PHEX: variants seen among roughly 807,000 people sequenced by gnomAD.
PHEX encodes the protein phosphate-regulating neutral endopeptidase PHEX.
Under a neutral mutation model 68.0 loss-of-function variants are expected in PHEX, and 16 were observed. The observed-to-expected ratio is 0.24, with a 90% CI of 0.16 to 0.36. The LOEUF (loss-of-function observed/expected upper bound fraction) is 0.36. PHEX is among the 10% of genes least tolerant of loss of function. The probability of loss-of-function intolerance (pLI) is 1.00; values close to 1 mark genes in which losing one functional copy is unlikely to be tolerated. For missense variants in PHEX, 480 were observed against 575.5 expected, an observed-to-expected ratio of 0.83 and a Z score of 1.70; for synonymous variants, 208 against 205.1, an observed-to-expected ratio of 1.01 and a Z score of -0.12.
intron 3 of PHEX, among the ~76,000 whole-genome samples, chrX:22,056,864 T>C (rs954973564): frequency 3.7e-5 from 4 of 109,568 alleles, no homozygotes; most frequent in African/African-American, 1.3e-4. Flanking sequence ...TTCCCATAGG[T>C]ATTGTAATCA....
At chrX:22,055,765 TG>T (rs893038433) in intron 3 of PHEX, among the ~76,000 whole-genome samples, 1 of 111,915 alleles carries the variant, frequency 8.9e-6, no homozygotes, top group African/African-American at 3.3e-5. Flanking sequence ...TTTGCCGTGT[TG>T]GCCAGGCTGG....
intron 3 of PHEX, among the ~76,000 whole-genome samples, chrX:22,074,455 C>G (rs957951940): frequency 2.7e-5 from 3 of 110,469 alleles, no homozygotes; most frequent in Non-Finnish European, 5.7e-5. Context: ...ATCTGCTGAT[C>G]CTCTTTTTCC....
intron 19 of PHEX, among the ~76,000 whole-genome samples, 173 bp downstream of exon 19, chrX:22,226,681 A>T (rs905268350): frequency 8.9e-6 from 1 of 111,876 alleles, no homozygotes; most frequent in African/African-American, 3.2e-5. Flanking sequence ...AAAGAGAACT[A>T]TATTTCTTTT....
At chrX:22,137,801 C>T (rs1316772352) in intron 12 of PHEX, among the ~76,000 whole-genome samples, 2 of 111,899 alleles carry the variant, frequency 1.8e-5, no homozygotes, top group Non-Finnish European at 1.9e-5. Context: ...CTTCACAGCA[C>T]ACCTGCCTGA....
At chrX:22,157,288 T>C (rs1343038105) in intron 12 of PHEX, among the ~76,000 whole-genome samples, 3 of 112,099 alleles carry the variant, frequency 2.7e-5, no homozygotes, top group Non-Finnish European at 5.6e-5. Context: ...GTCCAGGAGT[T>C]TGAGACAAGC....
At chrX:22,128,255 G>A (rs763876129) in intron 11 of PHEX, among the ~76,000 whole-genome samples, 1 of 108,204 alleles carries the variant, frequency 9.2e-6, no homozygotes, top group Non-Finnish European at 1.9e-5. Flanking sequence ...TAGAGACGGG[G>A]TTTCACCATG....
At chrX:22,149,598 A>C (rs2147101488) in intron 12 of PHEX, among the ~76,000 whole-genome samples, 1 of 112,206 alleles carries the variant, frequency 8.9e-6, no homozygotes, top group African/African-American at 3.2e-5. Context: ...TACTAAAAAT[A>C]CAAAAATTAG....
chrX:22,069,787 G>A (rs778215321), intron 3 of PHEX, among the ~76,000 whole-genome samples: 4 of 111,802 alleles, frequency 3.6e-5, no homozygotes, highest in Non-Finnish European at 7.5e-5. Context: ...TTGACTGGCC[G>A]TGAGGCTGAG....
intron 20 of PHEX, among the ~76,000 whole-genome samples, chrX:22,231,946 C>T (rs1305654388): frequency 1.8e-5 from 2 of 111,767 alleles, no homozygotes; most frequent in East Asian, 5.6e-4. Context: ...TTAAATGTGT[C>T]CCAGAGATTC....
At chrX:22,157,625 T>C (rs1277364154) in intron 12 of PHEX, among the ~76,000 whole-genome samples, 1 of 112,733 alleles carries the variant, frequency 8.9e-6, no homozygotes. Flanking sequence ...TCTGCCAGAG[T>C]AGTTTCCTTT....
chrX:22,185,043 A>G (rs2285069), intron 14 of PHEX, among the ~76,000 whole-genome samples: 3,254 of 111,940 alleles, frequency 0.029, 122 homozygotes, highest in East Asian at 0.2. Flanking sequence ...TATGGTCCAA[A>G]GAAATAGGTG....
intron 12 of PHEX, among the ~76,000 whole-genome samples, chrX:22,148,115 A>C (rs938560889): frequency 9.0e-5 from 10 of 111,455 alleles, no homozygotes; most frequent in African/African-American, 3.3e-4. Context: ...GGCTGGGCTC[A>C]GCTGGGTGGC....
intron 5 of PHEX, among the ~76,000 whole-genome samples, chrX:22,079,990 C>T (rs1244842576): frequency 6.3e-5 from 7 of 111,169 alleles, no homozygotes; most frequent in Non-Finnish European, 1.3e-4. Context: ...CACCTGAACC[C>T]TAATATCAAT....
At chrX:22,137,816 C>T (rs1037451627) in intron 12 of PHEX, among the ~76,000 whole-genome samples, 1 of 111,847 alleles carries the variant, frequency 8.9e-6, no homozygotes, top group Non-Finnish European at 1.9e-5. Context: ...GCCTGACTTC[C>T]AACTGCAGCC....
At chrX:22,140,760 G>A (rs976559870) in intron 12 of PHEX, among the ~76,000 whole-genome samples, 1 of 111,930 alleles carries the variant, frequency 8.9e-6, no homozygotes, top group Non-Finnish European at 1.9e-5. Flanking sequence ...GGGATTACAG[G>A]CATGAGCCAC....
intron 11 of PHEX, among the ~76,000 whole-genome samples, chrX:22,123,924 C>G (rs1380485921): frequency 9.2e-6 from 1 of 108,216 alleles, no homozygotes; most frequent in African/African-American, 3.4e-5. Context: ...CTCTGCCTCC[C>G]GGGTTCACGC....
chrX:22,120,172 C>T (rs747480035), intron 11 of PHEX, among the ~76,000 whole-genome samples: 7 of 111,985 alleles, frequency 6.3e-5, no homozygotes, highest in Non-Finnish European at 9.4e-5. Context: ...CTTATCCTCA[C>T]AATGACCCTG....
intron 11 of PHEX, among the ~76,000 whole-genome samples, chrX:22,124,776 T>C (rs1253543977): frequency 8.9e-6 from 1 of 112,115 alleles, no homozygotes; most frequent in East Asian, 2.8e-4. Context: ...TATATACCTT[T>C]AGATAAAAGG....
intron 13 of PHEX, among the ~76,000 whole-genome samples, chrX:22,176,071 C>T (rs902691876): frequency 5.4e-5 from 6 of 111,172 alleles, no homozygotes; most frequent in Non-Finnish European, 7.5e-5. Flanking sequence ...TAAAAGAAAA[C>T]CTTTATCTTA....
Sources: allele counts gnomAD v4.1 joint callset (sites outside exome capture counted in the v4.1 genomes callset), GRCh38; gene constraint gnomAD v4.1.1; transcripts MANE v1.5; gene names NCBI Gene and HGNC (gene_info 2026-07-23, HGNC 2026-07-21).